Variants in SNTG1 observed in about 807,000 individuals in gnomAD.
SNTG1 encodes syntrophin gamma 1.
SNTG1 carries 39 observed loss-of-function variants against 74.7 expected under a neutral mutation model. The ratio of observed to expected loss-of-function variants is 0.52; its 90% CI spans 0.40 to 0.68. The LOEUF is 0.68. SNTG1 is among the 30% of genes least tolerant of loss of function. SNTG1 has a pLI of 0.00. For synonymous variants in SNTG1, 254 were observed against 217.1 expected (o/e 1.17, Z -1.49); for missense variants, 685 against 609.5 (o/e 1.12, Z -1.30).
chr8:50,171,558 T>A (rs1302886701), intron 1 of SNTG1, among the ~76,000 whole-genome samples: 1 of 152,168 alleles, frequency 6.6e-6, no homozygotes, highest in Non-Finnish European at 1.5e-5. Flanking sequence ...TTAATCTACT[T>A]TGGCAACACT....
At chr8:50,405,579 T>A (rs1380201594) in intron 4 of SNTG1, among the ~76,000 whole-genome samples, 1 of 152,084 alleles carries the variant, frequency 6.6e-6, no homozygotes, top group African/African-American at 2.4e-5. Flanking sequence ...TTTGCAATAT[T>A]TTCTCCCAAA....
Position 50,113,996 on chromosome 8 carries a change from A to T in SNTG1, c.-102-58565A>T, listed in dbSNP as rs1044388993. ...CTTCACATAAATTATCATAGAAAAA[A>T]TCTAATCACAAAACGACGTTTGACA... On this transcript the variant is annotated intron_variant, in intron 1 of 18. Transcript: ENST00000642720. Among the ~76,000 whole-genome samples the T allele has an allele frequency of 8.4e-4, 128 of 152,052 alleles. 2 individuals carry two copies. Among genetic ancestry groups the T allele is most frequent in the Admixed American group, 2.0e-4 (3 of 15,250 alleles).
chr8:50,500,308 T>C (rs1318427766), intron 8 of SNTG1, among the ~76,000 whole-genome samples: 1 of 151,898 alleles, frequency 6.6e-6, no homozygotes, highest in Non-Finnish European at 1.5e-5. Flanking sequence ...TTGTTAATTC[T>C]ACTCTCTCTC....
At chr8:50,130,307 T>C (rs765877891) in intron 1 of SNTG1, among the ~76,000 whole-genome samples, 3 of 152,056 alleles carry the variant, frequency 2.0e-5, no homozygotes, top group African/African-American at 7.2e-5. Context: ...AGAAAGAGAA[T>C]AGTGAGAGTG....
intron 2 of SNTG1, among the ~76,000 whole-genome samples, chr8:50,285,950 A>AT (rs1414078005): frequency 4.0e-4 from 60 of 151,368 alleles, no homozygotes; most frequent in Non-Finnish European, 8.9e-5. Context: ...ATGCTACTTT[A>AT]TTTCTTTTTC....
chr8:50,393,129 G>T (rs1477658085), intron 2 of SNTG1, among the ~76,000 whole-genome samples: 2 of 151,976 alleles, frequency 1.3e-5, no homozygotes, highest in African/African-American at 2.4e-5. Context: ...TATTAATGAG[G>T]CTCACAATCC....
chr8:50,425,642 G>A (rs1439039015), intron 4 of SNTG1, among the ~76,000 whole-genome samples: 1 of 152,090 alleles, frequency 6.6e-6, no homozygotes, highest in Non-Finnish European at 1.5e-5. Flanking sequence ...CTTGGTCTGT[G>A]GAAAAATCGT....
intron 18 of SNTG1, among the ~76,000 whole-genome samples, chr8:50,786,413 A>C (rs1026198485): frequency 6.6e-6 from 1 of 152,038 alleles, no homozygotes; most frequent in Non-Finnish European, 1.5e-5. Context: ...TAGAAAACTT[A>C]ATACTTTTAA....
intron 2 of SNTG1, among the ~76,000 whole-genome samples, chr8:50,347,012 A>G (rs1240918380): frequency 1.3e-5 from 2 of 152,278 alleles, no homozygotes; most frequent in South Asian, 2.1e-4. Context: ...CAAGTTATCC[A>G]GAAGATCTAA....
chr8:50,472,147 T>G (rs1166891858), intron 8 of SNTG1, among the ~76,000 whole-genome samples: 2 of 152,122 alleles, frequency 1.3e-5, no homozygotes, highest in Non-Finnish European at 1.5e-5. Context: ...GTTGGTGTGA[T>G]CTCTCAAAAT....
chr8:49,987,419 C>T (rs1042876951), intron 1 of SNTG1, among the ~76,000 whole-genome samples: 3 of 152,054 alleles, frequency 2.0e-5, no homozygotes, highest in African/African-American at 4.8e-5. Flanking sequence ...GGATAAGATA[C>T]ACCTAAAAAG....
chr8:50,678,078 A>T (rs1041414356), intron 15 of SNTG1, among the ~76,000 whole-genome samples: 1 of 151,956 alleles, frequency 6.6e-6, no homozygotes, highest in African/African-American at 2.4e-5. Flanking sequence ...CACTTTCTGC[A>T]CATGTATCCC....
intron 15 of SNTG1, among the ~76,000 whole-genome samples, chr8:50,671,069 A>C (rs1469014332): frequency 6.6e-6 from 1 of 151,674 alleles, no homozygotes; most frequent in Non-Finnish European, 1.5e-5. Context: ...CTTAAATGTT[A>C]GACCTAAAAC....
chr8:50,360,139 C>T (rs2091919046), intron 2 of SNTG1, among the ~76,000 whole-genome samples: 1 of 152,006 alleles, frequency 6.6e-6, no homozygotes, highest in South Asian at 2.1e-4. Flanking sequence ...TCAGATAGAT[C>T]ATCATCACTA....
chr8:50,604,679 A>G (rs1454061423), intron 13 of SNTG1, among the ~76,000 whole-genome samples: 1 of 152,220 alleles, frequency 6.6e-6, no homozygotes, highest in Non-Finnish European at 1.5e-5. Context: ...AGGTTCAGAA[A>G]TGTCCAAGAG....
chr8:50,592,881 A>C (rs2094701394), intron 13 of SNTG1, among the ~76,000 whole-genome samples: 1 of 152,168 alleles, frequency 6.6e-6, no homozygotes. Context: ...CATTGTGTAC[A>C]TGAAGAATTT....
chr8:50,647,532 C>A (rs1327209032), intron 13 of SNTG1, among the ~76,000 whole-genome samples: 1 of 151,940 alleles, frequency 6.6e-6, no homozygotes, highest in Admixed American at 6.6e-5. Flanking sequence ...GCTAGTGGGG[C>A]AGCTGTGCAA....
Position 50,325,955 on chromosome 8 carries a change from A to T in SNTG1, c.-27-68257A>T, listed in dbSNP as rs548815027. On this transcript the variant is annotated intron_variant, in intron 2 of 18. Transcript: ENST00000642720. ...TCTTCATGAACAGATGTTAAATTTT[A>T]TCATACTTTTTTTTGTGTACACATA... Among the ~76,000 whole-genome samples, 3 of 151,126 alleles carry T rather than the reference A, an allele frequency of 2.0e-5. No individual in the cohort carries two copies. In the South Asian group the frequency reaches 6.5e-4, roughly 33 times the overall value.
In SNTG1 at chr8:50,735,909, T is replaced by G. The variant is rs944786767; in HGVS notation, c.1285-16092T>G. 3.9e-5 allele frequency among the ~76,000 whole-genome samples: 6 copies of G among 152,064 alleles called. No individual in the cohort carries two copies. In the South Asian group the frequency reaches 1.2e-3, roughly 31 times the overall value. On this transcript the variant is annotated intron_variant, in intron 17 of 18. Transcript: ENST00000642720. ...ACCCACAAAGGGAAACCCATCAGAC[T>G]AACAGTGGATCTCTCTGCAGAAACC... is the stretch of plus-strand genomic sequence containing the variant.
Sources: allele counts gnomAD v4.1 joint callset (sites outside exome capture counted in the v4.1 genomes callset), GRCh38; gene constraint gnomAD v4.1.1; transcripts MANE v1.5; gene names NCBI Gene and HGNC (gene_info 2026-07-23, HGNC 2026-07-21).